Variants in DNAJB11 observed in about 807,000 individuals in gnomAD.
DNAJB11 encodes the protein DnaJ heat shock protein family (Hsp40) member B11, also known as dnaJ homolog subfamily B member 11.
A neutral mutation model predicts 47.2 loss-of-function variants in DNAJB11; 30 were observed. That is an observed-to-expected ratio of 0.64 (90% CI 0.48 to 0.86). The LOEUF is 0.86. Ranked by LOEUF, DNAJB11 falls within the 40% of genes least tolerant of loss-of-function variation. The pLI, the probability that DNAJB11 is intolerant of heterozygous loss-of-function variation, is 0.00. For missense variants in DNAJB11, 357 were observed against 440.2 expected (o/e 0.81, Z 1.69); for synonymous variants, 151 against 159.9 (o/e 0.94, Z 0.42).
intron 2 of DNAJB11, 101 bp downstream of exon 2, chr3:186,572,352 TTTATTTA>T (rs1408124971): frequency 1.2e-5 from 14 of 1,164,618 alleles, no homozygotes; most frequent in African/African-American, 7.9e-5. Flanking sequence ...TATTTATTTA[TTTATTTA>T]TTTTGAGACT....
intron 2 of DNAJB11, among the ~76,000 whole-genome samples, chr3:186,572,516 A>T (rs972058435): frequency 6.6e-6 from 1 of 152,150 alleles, no homozygotes; most frequent in African/African-American, 2.4e-5. Context: ...TAATTTTTGT[A>T]TTTTTAGTAG....
chr3:186,580,354 G>C (rs1715442189), intron 4 of DNAJB11: 1 of 152,126 alleles, frequency 6.6e-6, no homozygotes, highest in African/African-American at 2.4e-5. Context: ...TTGAGAAATA[G>C]GATAGCACAA....
At chr3:186,577,579 A>G in intron 3 of DNAJB11, 89 bp from the exon 4 acceptor site, 1 of 1,229,754 alleles carries the variant, frequency 8.1e-7, no homozygotes, top group Middle Eastern at 2.3e-4. Context: ...TAGAAACAAT[A>G]GTTTATCAAC....
At chr3:186,584,117 G>A (rs534107851) in intron 8 of DNAJB11, 141 bp downstream of exon 8, 14 of 681,936 alleles carry the variant, frequency 2.1e-5, no homozygotes, top group Non-Finnish European at 2.8e-5. Context: ...TTACTCTGCT[G>A]CTGAGCATAC....
At chr3:186,573,467 C>T (rs1039197651) in intron 2 of DNAJB11, among the ~76,000 whole-genome samples, 2 of 152,086 alleles carry the variant, frequency 1.3e-5, no homozygotes, top group African/African-American at 2.4e-5. Flanking sequence ...TCACTGCAAG[C>T]TCCGCCTCCT....
rs747166485 is a variant in DNAJB11 at position 186,575,872 on chromosome 3, C to T, written c.258C>T (p.Tyr86=). 5.6e-6 allele frequency: 9 copies of T among 1,613,718 alleles called. No homozygotes were observed. Among genetic ancestry groups the T allele is most frequent in the Admixed American group, 5.0e-5 (3 of 59,996 alleles). Residue 86 remains tyrosine (Y), a synonymous_variant, in exon 3 of 10, where the codon TAC becomes TAT. Coordinates refer to ENST00000265028, the MANE Select transcript of DNAJB11 (RefSeq NM_016306.6). ...CAGATAGTGAGAAACGGAAACAGTA[C>T]GATACTTATGGTGAAGAAGGATTAA... ...VLSDSEKRKQ[Y]DTYGEEGLKD...
intron 3 of DNAJB11, 91 bp from the exon 4 acceptor site, chr3:186,577,577 A>G (rs899142634): frequency 9.8e-6 from 12 of 1,223,620 alleles, no homozygotes; most frequent in African/African-American, 9.2e-5. Flanking sequence ...GATAGAAACA[A>G]TAGTTTATCA....
At chr3:186,575,389 G>C (rs13095654) in intron 2 of DNAJB11, among the ~76,000 whole-genome samples, 4 of 138,548 alleles carry the variant, frequency 2.9e-5, no homozygotes, top group African/African-American at 7.4e-5. Context: ...GTGTGTGTGT[G>C]TGTCTGTGTG....
rs41268613 is a variant in DNAJB11 at position 186,583,688 on chromosome 3, G to A, written c.741-177G>A. ...TTTGCTGATTGTGTGTTCCTTAACA[G>A]TAGCATTTAATAAGACTTAAACAAC... On this transcript the variant is annotated intron_variant, in intron 7 of 9. Coordinates refer to ENST00000265028, the MANE Select transcript of DNAJB11 (RefSeq NM_016306.6). Among the ~76,000 whole-genome samples the A allele has an allele frequency of 0.038, 5,747 of 152,234 alleles. 162 individuals are homozygous for A. Among genetic ancestry groups the A allele is most frequent in the Non-Finnish European group, 0.063 (4,293 of 68,000 alleles).
intron 1 of DNAJB11, among the ~76,000 whole-genome samples, chr3:186,571,671 C>T (rs1011995967): frequency 3.3e-5 from 5 of 152,192 alleles, no homozygotes; most frequent in Admixed American, 1.3e-4. Context: ...GAAGGAAAAT[C>T]ATCCTTTGAG....
At chr3:186,581,340 GAGA>G (rs1468828676) in intron 4 of DNAJB11, 28 bp from the exon 5 acceptor site, 5 of 1,611,572 alleles carry the variant, frequency 3.1e-6, no homozygotes, top group Admixed American at 3.3e-5. Context: ...TTACACAAGA[GAGA>G]AGCTGATGTT....
At chr3:186,579,448 T>C (rs1193648995) in intron 4 of DNAJB11, 1 of 152,252 alleles carries the variant, frequency 6.6e-6, no homozygotes, top group Non-Finnish European at 1.5e-5. Flanking sequence ...CATTATTTCT[T>C]ACTCTATATC....
intron 2 of DNAJB11, among the ~76,000 whole-genome samples, chr3:186,573,718 A>G (rs1025630574): frequency 3.3e-5 from 5 of 152,198 alleles, no homozygotes; most frequent in African/African-American, 7.2e-5. Flanking sequence ...AGGCACATCA[A>G]TAAACTTGGG....
chr3:186,571,626 CTG>C (rs765096174), intron 1 of DNAJB11, among the ~76,000 whole-genome samples: 1 of 152,162 alleles, frequency 6.6e-6, no homozygotes, highest in Non-Finnish European at 1.5e-5. Context: ...GGCAGTGCTA[CTG>C]TTAGGACATT....
chr3:186,585,450 C>G lies in DNAJB11; in HGVS notation c.*42C>G. ...ACTTTGTTTAAAATAAGTGAATAAGCGATATTTATTATCTGCAAGGTTTTT... is the reference window on the plus strand; with the variant it reads ...ACTTTGTTTAAAATAAGTGAATAAGGGATATTTATTATCTGCAAGGTTTTT... On this transcript the variant is annotated 3_prime_UTR_variant, in exon 10 of 10. Transcript: ENST00000265028. 6.9e-7 allele frequency: 1 copy of G among 1,454,554 alleles called. No homozygotes were observed. Among genetic ancestry groups the G allele is most frequent in the Non-Finnish European group, 9.5e-7 (1 of 1,055,798 alleles). The allele number at this position is 1,454,554 out of a possible 1,614,324, so 90.1% of individuals were successfully genotyped here. A position where few individuals can be genotyped will look rare whatever the true frequency, so the allele number is the denominator to read the frequency against.
chr3:186,581,911 T>TA (rs1030107179), intron 5 of DNAJB11, 84 bp from the exon 6 acceptor site: 1 of 1,163,846 alleles, frequency 8.6e-7, no homozygotes, highest in African/African-American at 1.6e-5. Context: ...AAAGCTCTGA[T>TA]AAAATAGGTA....
chr3:186,585,364 CAA>C lies in DNAJB11; in HGVS notation c.1034_1035del (p.Gln345ArgfsTer25), dbSNP rs1715649321. On this transcript the variant is annotated frameshift_variant, in exon 10 of 10. Coordinates refer to ENST00000265028, the MANE Select transcript of DNAJB11 (RefSeq NM_016306.6). LOFTEE classifies it high-confidence loss of function. ...AREGIKQLLKQGSVQKVYNGL... is the reference protein window; with the variant it reads ...AREGIKQLLKXGSVQKVYNGL... ...TTCAGGTATCAAACAGCTACTGAAA[CAA>C]GGGTCAGTGCAGAAGGTATACAATG... 1 of 1,611,736 alleles carries C rather than the reference CAA, an allele frequency of 6.2e-7. No individual in the cohort carries two copies. The highest frequency in any genetic ancestry group is 1.1e-5 in the South Asian group (1 of 90,564).
intron 3 of DNAJB11, among the ~76,000 whole-genome samples, chr3:186,577,089 C>T: frequency 6.6e-6 from 1 of 152,214 alleles, no homozygotes. Flanking sequence ...GAACTTCCTT[C>T]TCCTTAAGCA....
intron 3 of DNAJB11, among the ~76,000 whole-genome samples, chr3:186,577,202 G>A (rs988475546): frequency 2.0e-5 from 3 of 152,104 alleles, no homozygotes; most frequent in African/African-American, 7.2e-5. Flanking sequence ...CTTCTAAAAA[G>A]CATGTAAAGA....
Sources: gnomAD v4.1 joint callset for allele counts (sites outside exome capture counted in the v4.1 genomes callset) on GRCh38, gnomAD v4.1.1 for gene constraint, MANE v1.5 for transcripts, NCBI Gene and HGNC (gene_info 2026-07-23, HGNC 2026-07-21) for gene names.